The following RAPGEF2 variants were observed in gnomAD, a reference collection of about 807,000 sequenced individuals.
RAPGEF2 encodes PDZ domain containing guanine nucleotide exchange factor (GEF) 1.
A neutral mutation model predicts 186.7 loss-of-function variants in RAPGEF2; 54 were observed. That is an observed-to-expected ratio of 0.29 (90% confidence interval 0.23 to 0.36). RAPGEF2 has a LOEUF of 0.36. Ranked by LOEUF, RAPGEF2 falls within the 10% of genes least tolerant of loss-of-function variation. The pLI is 1.00. For synonymous variants in RAPGEF2, 712 were observed against 705.9 expected, an observed-to-expected ratio of 1.01 and a Z score of -0.14; for missense variants, 1,532 against 2,045.0, an observed-to-expected ratio of 0.75 and a Z score of 4.84.
chr4:159,158,091 T>C (rs1035953741), intron 1 of RAPGEF2, among the ~76,000 whole-genome samples: 1 of 152,222 alleles, frequency 6.6e-6, no homozygotes, highest in African/African-American at 2.4e-5. Flanking sequence ...TATAATATTT[T>C]CTTCTTAAAG....
intron 1 of RAPGEF2, among the ~76,000 whole-genome samples, chr4:159,156,182 A>T (rs1199872724): frequency 6.6e-6 from 1 of 152,180 alleles, no homozygotes; most frequent in Non-Finnish European, 1.5e-5. Flanking sequence ...TTGAGGAAGG[A>T]TCCACTTCCA....
intron 1 of RAPGEF2, among the ~76,000 whole-genome samples, chr4:159,125,809 A>G (rs975405407): frequency 3.9e-5 from 6 of 152,050 alleles, no homozygotes; most frequent in South Asian, 2.1e-4. Flanking sequence ...ATCTATGACA[A>G]TTTTATCAAT....
chr4:159,343,708 G>T (rs1216177826), intron 22 of RAPGEF2, among the ~76,000 whole-genome samples: 2 of 152,156 alleles, frequency 1.3e-5, no homozygotes, highest in Non-Finnish European at 2.9e-5. Flanking sequence ...ATAGCTAGTA[G>T]TATGCACTAA....
At chr4:159,117,583 G>GTT (rs1324685935) in intron 1 of RAPGEF2, among the ~76,000 whole-genome samples, 2 of 143,382 alleles carry the variant, frequency 1.4e-5, no homozygotes, top group African/African-American at 2.5e-5. Flanking sequence ...CGATGGTTGG[G>GTT]TTTTTTTTTT....
intron 4 of RAPGEF2, among the ~76,000 whole-genome samples, chr4:159,224,895 C>T (rs944559512): frequency 6.6e-6 from 1 of 151,988 alleles, no homozygotes; most frequent in Non-Finnish European, 1.5e-5. Context: ...ACTGAAGGTT[C>T]AGACAAGGGA....
chr4:159,121,170 C>G (rs144967254), intron 1 of RAPGEF2, among the ~76,000 whole-genome samples: 1,585 of 152,092 alleles, frequency 0.01, 28 homozygotes, highest in African/African-American at 0.036. Context: ...GAAGCTCATG[C>G]TCAACCTTTT....
intron 1 of RAPGEF2, among the ~76,000 whole-genome samples, chr4:159,124,142 A>G (rs1740027146): frequency 6.6e-6 from 1 of 151,910 alleles, no homozygotes; most frequent in Non-Finnish European, 1.5e-5. Flanking sequence ...GGCGTGAGCC[A>G]CTGCACCCGG....
chr4:159,153,006 G>A (rs921426821), intron 1 of RAPGEF2, among the ~76,000 whole-genome samples: 16 of 152,176 alleles, frequency 1.1e-4, no homozygotes, highest in African/African-American at 3.6e-4. Context: ...TATCTAGTTA[G>A]TAAGTGTTTA....
chr4:159,242,350 C>A (rs1754118342), intron 6 of RAPGEF2, among the ~76,000 whole-genome samples: 1 of 151,286 alleles, frequency 6.6e-6, no homozygotes, highest in Non-Finnish European at 1.5e-5. Context: ...TTTCCTTTAC[C>A]TTTTTTTTCT....
At chr4:159,119,953 A>G (rs773790252) in intron 1 of RAPGEF2, among the ~76,000 whole-genome samples, 3 of 152,182 alleles carry the variant, frequency 2.0e-5, no homozygotes, top group African/African-American at 7.2e-5. Flanking sequence ...TACTTGTAGT[A>G]ATACTTTGTC....
intron 3 of RAPGEF2, among the ~76,000 whole-genome samples, 168 bp downstream of exon 3, chr4:159,193,424 C>T (rs1005743780): frequency 5.3e-5 from 8 of 152,146 alleles, no homozygotes; most frequent in Non-Finnish European, 8.8e-5. Flanking sequence ...TAAAAGTTTA[C>T]AGTTCTTTCC....
intron 7 of RAPGEF2, among the ~76,000 whole-genome samples, chr4:159,265,159 A>C (rs1489746141): frequency 6.6e-6 from 1 of 152,134 alleles, no homozygotes; most frequent in East Asian, 1.9e-4. Context: ...TGGAAGGTTC[A>C]CTCACTCAAC....
Position 159,240,331 on chromosome 4 carries a change from C to CTTTTTTTTTT in RAPGEF2, c.358-860_358-851dup, listed in dbSNP as rs370477370. On this transcript the variant is annotated intron_variant, in intron 5 of 29. Coordinates refer to ENST00000691494, the MANE Select transcript of RAPGEF2 (RefSeq NM_001394067.2). ...CCCTGTTCATTCATCAGCATTTCTA[C>CTTTTTTTTTT]TTTTTTTTTTTTTTTTTTTGGAGAC... is the stretch of plus-strand genomic sequence containing the variant. 3.6e-3 allele frequency among the ~76,000 whole-genome samples: 279 copies of CTTTTTTTTTT among 77,596 alleles called. 18 individuals are homozygous for CTTTTTTTTTT. The highest frequency in any genetic ancestry group is 0.014 in the Middle Eastern group (1 of 72). 50.9% of individuals were successfully genotyped at this position (77,596 alleles called of 152,430 possible).
intron 1 of RAPGEF2, among the ~76,000 whole-genome samples, chr4:159,170,360 C>T (rs1745781903): frequency 6.6e-6 from 1 of 152,076 alleles, no homozygotes; most frequent in Admixed American, 6.6e-5. Flanking sequence ...ACTCAGGTTG[C>T]ACCTGCAGAT....
chr4:159,108,498 C>A (rs754081585), intron 1 of RAPGEF2, among the ~76,000 whole-genome samples: 1 of 148,302 alleles, frequency 6.7e-6, no homozygotes, highest in Non-Finnish European at 1.5e-5. Context: ...ATCATTTAAT[C>A]TCACTGTTTT....
chr4:159,233,722 C>T (rs1294448078), intron 4 of RAPGEF2, among the ~76,000 whole-genome samples: 1 of 151,956 alleles, frequency 6.6e-6, no homozygotes, highest in Non-Finnish European at 1.5e-5. Flanking sequence ...CACTAAAGAA[C>T]TTATGTAACC....
intron 1 of RAPGEF2, among the ~76,000 whole-genome samples, chr4:159,148,656 A>C (rs1236423478): frequency 6.6e-6 from 1 of 151,902 alleles, no homozygotes; most frequent in Non-Finnish European, 1.5e-5. Context: ...CTTGGAAACC[A>C]CTCTTGGGAT....
At chr4:159,168,094 A>C (rs1228263651) in intron 1 of RAPGEF2, among the ~76,000 whole-genome samples, 2 of 152,248 alleles carry the variant, frequency 1.3e-5, no homozygotes, top group African/African-American at 4.8e-5. Flanking sequence ...TACTCAAAAC[A>C]GGTTTAGAAT....
intron 1 of RAPGEF2, among the ~76,000 whole-genome samples, chr4:159,163,639 G>A (rs1359729158): frequency 1.3e-5 from 2 of 152,126 alleles, no homozygotes; most frequent in Non-Finnish European, 2.9e-5. Context: ...AGAAAATTTG[G>A]TGTTAATCTA....
Sources: allele counts gnomAD v4.1 joint callset (sites outside exome capture counted in the v4.1 genomes callset), GRCh38; gene constraint gnomAD v4.1.1; transcripts MANE v1.5; gene names NCBI Gene and HGNC (gene_info 2026-07-23, HGNC 2026-07-21).